ARHGAP8: variants seen among roughly 807,000 people sequenced by gnomAD.
The protein encoded by ARHGAP8 is rho GTPase-activating protein 8.
In ARHGAP8, 62 loss-of-function variants were observed where a neutral mutation model predicts 46.1. That is an observed-to-expected ratio of 1.34 (90% CI 1.10 to 1.66). The LOEUF is 1.66. ARHGAP8 is among the 40% of genes most tolerant of loss of function. The pLI is 0.00. For missense variants in ARHGAP8, 923 were observed against 568.4 expected (o/e 1.62, Z -6.34); for synonymous variants, 375 against 243.1 (o/e 1.54, Z -5.05).
intron 4 of ARHGAP8, chr22:44,809,110 C>G (rs761943891): frequency 1.8e-4 from 86 of 470,608 alleles, no homozygotes; most frequent in Non-Finnish European, 3.3e-4. Context: ...CAGGAGCCAC[C>G]ATGCCAAGCC....
At chr22:44,779,652 A>T (rs1926695828) in intron 1 of ARHGAP8, among the ~76,000 whole-genome samples, 1 of 146,164 alleles carries the variant, frequency 6.8e-6, no homozygotes, top group African/African-American at 2.5e-5. Context: ...ACCTCTGCCT[A>T]CCAGGTTCAA....
At chr22:44,775,327 G>A (rs1282185788) in intron 1 of ARHGAP8, among the ~76,000 whole-genome samples, 1 of 152,202 alleles carries the variant, frequency 6.6e-6, no homozygotes, top group East Asian at 1.9e-4. Context: ...AGCCTCTGGT[G>A]GACTTGGCTG....
chr22:44,845,784 G>C (rs924829162), intron 8 of ARHGAP8, among the ~76,000 whole-genome samples: 1 of 152,138 alleles, frequency 6.6e-6, no homozygotes, highest in Admixed American at 6.5e-5. Context: ...ACTTGGAGTG[G>C]GGTGAGCCTT....
Position 44,862,315 on chromosome 22 carries a change from A to T in ARHGAP8, c.1022A>T (p.Asn341Ile). Reference protein sequence around the residue: ...ESIFNKMNSSNLACVFGLNLI... With the variant: ...ESIFNKMNSSILACVFGLNLI... The stretch of plus-strand genomic sequence containing the variant: ...ATCTTCAACAAAATGAACAGCTCTA[A>T]CCTGGCCTGTGTCTTCGGGCTGAAT... The change falls in exon 12 of 12, where the codon AAC becomes ATC. Residue 341 changes from asparagine (N) to isoleucine (I), a missense_variant. By Grantham distance (149) the Asn-to-Ile change is moderately radical. Transcript: ENST00000356099. The T allele has an allele frequency of 6.2e-7, 1 of 1,613,396 alleles. No individual in the cohort carries two copies. The highest frequency in any genetic ancestry group is 8.5e-7 in the Non-Finnish European group (1 of 1,179,594).
intron 4 of ARHGAP8, among the ~76,000 whole-genome samples, chr22:44,814,449 C>T (rs1056743926): frequency 1.3e-5 from 2 of 152,180 alleles, no homozygotes; most frequent in Non-Finnish European, 2.9e-5. Flanking sequence ...AGCTGTGCCT[C>T]GGCGAACTAA....
chr22:44,801,998 G>T, intron 2 of ARHGAP8, 79 bp from the exon 3 acceptor site: 2 of 1,576,802 alleles, frequency 1.3e-6, no homozygotes, highest in Non-Finnish European at 8.7e-7. Flanking sequence ...GACTGGCCAA[G>T]GAGGCTGCTT....
intron 1 of ARHGAP8, among the ~76,000 whole-genome samples, chr22:44,774,069 C>T (rs1039461952): frequency 2.0e-5 from 3 of 152,138 alleles, no homozygotes; most frequent in Admixed American, 6.5e-5. Flanking sequence ...AATGGAGACA[C>T]GGGTTGAGAC....
intron 4 of ARHGAP8, among the ~76,000 whole-genome samples, chr22:44,811,288 C>A (rs1030263740): frequency 6.6e-6 from 1 of 152,218 alleles, no homozygotes; most frequent in Non-Finnish European, 1.5e-5. Context: ...GACCTGTGAG[C>A]AGTGACAAAG....
chr22:44,813,713 ACACACTTT>A (rs1289237332), intron 4 of ARHGAP8, among the ~76,000 whole-genome samples: 10 of 147,752 alleles, frequency 6.8e-5, no homozygotes, highest in African/African-American at 2.2e-4. Context: ...GTACACCTAC[ACACACTTT>A]CATACACTTA....
chr22:44,814,811 A>G, intron 5 of ARHGAP8, 53 bp downstream of exon 5: 1 of 1,594,408 alleles, frequency 6.3e-7, no homozygotes, highest in Non-Finnish European at 8.6e-7. Flanking sequence ...TTCACCCCTC[A>G]GGGTCCATGG....
At chr22:44,771,330 T>G (rs1348872611) in intron 1 of ARHGAP8, among the ~76,000 whole-genome samples, 1 of 137,230 alleles carries the variant, frequency 7.3e-6, no homozygotes, top group Admixed American at 8.5e-5. Context: ...CACTGCAACC[T>G]CTGGCTCCCT....
intron 6 of ARHGAP8, 75 bp downstream of exon 6, chr22:44,822,544 A>C (rs1270001797): frequency 1.5e-6 from 2 of 1,311,046 alleles, no homozygotes; most frequent in African/African-American, 3.1e-5. Context: ...CAGTCCCATG[A>C]ATGTTTAAGG....
chr22:44,800,410 C>A (rs1257706334), intron 2 of ARHGAP8, among the ~76,000 whole-genome samples: 1 of 152,120 alleles, frequency 6.6e-6, no homozygotes, highest in African/African-American at 2.4e-5. Context: ...CCGGCCTGAT[C>A]TGTCTTTTTA....
intron 2 of ARHGAP8, among the ~76,000 whole-genome samples, chr22:44,792,828 GGT>G (rs150573126): frequency 0.44 from 65,037 of 147,934 alleles, 14,422 homozygotes; most frequent in South Asian, 0.58. Context: ...TTGTTTTTTT[GGT>G]TTTTTTTTTT....
intron 10 of ARHGAP8, among the ~76,000 whole-genome samples, chr22:44,856,764 C>T (rs2070237022): frequency 7.0e-6 from 1 of 143,416 alleles, no homozygotes; most frequent in South Asian, 2.1e-4. Flanking sequence ...TCCTGGGAGG[C>T]TGAAGATCAC....
At chr22:44,810,507 C>T (rs5766047) in intron 4 of ARHGAP8, among the ~76,000 whole-genome samples, 55,743 of 151,852 alleles carry the variant, frequency 0.37, 10,670 homozygotes, top group East Asian at 0.55. Flanking sequence ...CCCAAAGTGC[C>T]GGGATTACAG....
chr22:44,843,591 G>A (rs1376458250), intron 7 of ARHGAP8, among the ~76,000 whole-genome samples: 1 of 152,160 alleles, frequency 6.6e-6, no homozygotes, highest in Non-Finnish European at 1.5e-5. Context: ...GACTTTGGGA[G>A]GCCAAGGCAG....
chr22:44,821,422 C>A, intron 5 of ARHGAP8, among the ~76,000 whole-genome samples: 1 of 35,462 alleles, frequency 2.8e-5, no homozygotes, highest in Non-Finnish European at 5.5e-5. Flanking sequence ...GAGCGAGACT[C>A]CATCTCGAAA....
intron 1 of ARHGAP8, among the ~76,000 whole-genome samples, chr22:44,761,915 C>T (rs1048054638): frequency 2.0e-5 from 3 of 152,204 alleles, no homozygotes; most frequent in Admixed American, 6.5e-5. Context: ...CCTTATAAAA[C>T]CATCAGATCT....
Sources: gnomAD v4.1 joint callset for allele counts (sites outside exome capture counted in the v4.1 genomes callset) on GRCh38, gnomAD v4.1.1 for gene constraint, MANE v1.5 for transcripts, NCBI Gene and HGNC (gene_info 2026-07-23, HGNC 2026-07-21) for gene names.